The following ZBTB20 variants were observed in gnomAD, a reference collection of about 807,000 sequenced individuals.
ZBTB20 encodes zinc finger and BTB domain containing 20.
A neutral mutation model predicts 56.9 loss-of-function variants in ZBTB20; 9 were observed. That is an observed-to-expected ratio of 0.16 (90% confidence interval 0.10 to 0.28). ZBTB20 has a LOEUF of 0.28. ZBTB20 is among the 10% of genes least tolerant of loss of function. ZBTB20 has a pLI of 1.00. For synonymous variants in ZBTB20, 417 were observed against 420.7 expected, an observed-to-expected ratio of 0.99 and a Z score of 0.11; for missense variants, 655 against 1,003.0, an observed-to-expected ratio of 0.65 and a Z score of 4.69.
intron 4 of ZBTB20, among the ~76,000 whole-genome samples, chr3:114,895,357 A>T (rs2074831793): frequency 6.6e-6 from 1 of 152,194 alleles, no homozygotes; most frequent in African/African-American, 2.4e-5. Flanking sequence ...CCTTTGCAAG[A>T]GACTGCTTTT....
At chr3:114,892,784 A>G (rs1313311242) in intron 4 of ZBTB20, among the ~76,000 whole-genome samples, 1 of 152,226 alleles carries the variant, frequency 6.6e-6, no homozygotes, top group Non-Finnish European at 1.5e-5. Flanking sequence ...ATAGGTTGCA[A>G]GGAGACTTTG....
chr3:114,437,889 C>G (rs1455925439), intron 7 of ZBTB20, among the ~76,000 whole-genome samples: 2 of 152,012 alleles, frequency 1.3e-5, no homozygotes, highest in Non-Finnish European at 2.9e-5. Flanking sequence ...AAGGCTTGGT[C>G]CTAACAAACT....
intron 6 of ZBTB20, among the ~76,000 whole-genome samples, chr3:114,542,568 G>A (rs1024628999): frequency 1.3e-5 from 2 of 152,196 alleles, no homozygotes; most frequent in African/African-American, 4.8e-5. Context: ...AGGGAGAATG[G>A]AGGTTGTGGG....
intron 5 of ZBTB20, among the ~76,000 whole-genome samples, chr3:114,753,215 T>C (rs2067698193): frequency 6.9e-6 from 1 of 145,144 alleles, no homozygotes; most frequent in Non-Finnish European, 1.5e-5. Flanking sequence ...ATGAAGCATA[T>C]TTTTTATATA....
chr3:114,794,753 T>C (rs1343201107), intron 5 of ZBTB20, among the ~76,000 whole-genome samples: 1 of 152,088 alleles, frequency 6.6e-6, no homozygotes, highest in Admixed American at 6.6e-5. Flanking sequence ...TGGCATACCA[T>C]GTTATTAATG....
intron 6 of ZBTB20, among the ~76,000 whole-genome samples, chr3:114,665,224 T>A (rs979088681): frequency 3.3e-5 from 5 of 151,380 alleles, no homozygotes; most frequent in Non-Finnish European, 7.4e-5. Context: ...TAGATATGTT[T>A]ACATATGTAA....
At chr3:115,085,192 T>C (rs1278050878) in intron 1 of ZBTB20, among the ~76,000 whole-genome samples, 2 of 151,982 alleles carry the variant, frequency 1.3e-5, no homozygotes, top group Admixed American at 1.3e-4. Flanking sequence ...AAACCCGTTA[T>C]TGTGAATTTC....
chr3:114,596,374 C>T (rs2056314654), intron 6 of ZBTB20, among the ~76,000 whole-genome samples: 1 of 152,090 alleles, frequency 6.6e-6, no homozygotes, highest in African/African-American at 2.4e-5. Context: ...TATAATACTG[C>T]TTTTTGAAGA....
intron 3 of ZBTB20, among the ~76,000 whole-genome samples, chr3:114,940,127 C>T (rs1381563374): frequency 6.9e-6 from 1 of 145,904 alleles, no homozygotes; most frequent in African/African-American, 2.8e-5. Context: ...TTGAGAGTCA[C>T]CATATGCCAG....
chr3:114,845,279 G>A (rs2074637795), intron 4 of ZBTB20, among the ~76,000 whole-genome samples: 1 of 149,894 alleles, frequency 6.7e-6, no homozygotes, highest in African/African-American at 2.5e-5. Context: ...TAGAAACTTA[G>A]TTCATTGGCA....
At position 114,350,440 on chromosome 3, in the gene ZBTB20, A is replaced by C. The variant is rs777884900; in HGVS notation, c.1638T>G (p.Gly546=). ...QTQFVTVSQP[G]LSTFTAQLPA... is the part of the protein sequence containing the mutation. ...GCAGCTGTGCAGTAAAGGTCGACAGACCGGGCTGGGACACTGTCACAAACT... is the reference window on the plus strand; with the variant it reads ...GCAGCTGTGCAGTAAAGGTCGACAGCCCGGGCTGGGACACTGTCACAAACT... The change falls in exon 11 of 12, where the codon GGT becomes GGG. Residue 546 remains glycine, a synonymous_variant. Transcript: ENST00000675478. 148 of 1,613,760 alleles carry C rather than the reference A, an allele frequency of 9.2e-5. No individual in the cohort carries two copies. Among genetic ancestry groups the C allele is most frequent in the Non-Finnish European group, 1.2e-4 (138 of 1,179,956 alleles).
intron 5 of ZBTB20, among the ~76,000 whole-genome samples, chr3:114,755,120 A>G (rs578077472): frequency 5.3e-5 from 8 of 152,288 alleles, no homozygotes; most frequent in African/African-American, 1.9e-4. Flanking sequence ...TAATCCTGAT[A>G]TAGGTAATCC....
chr3:114,667,333 T>C (rs1293688875), intron 6 of ZBTB20, among the ~76,000 whole-genome samples: 2 of 152,032 alleles, frequency 1.3e-5, no homozygotes, highest in African/African-American at 4.8e-5. Flanking sequence ...GAAACACAAG[T>C]GTTATTAGAC....
intron 1 of ZBTB20, among the ~76,000 whole-genome samples, chr3:115,132,802 T>C (rs1387724678): frequency 6.6e-6 from 1 of 152,066 alleles, no homozygotes; most frequent in East Asian, 1.9e-4. Context: ...AAATTTAGAA[T>C]ACCTTTTGCC....
At chr3:114,604,332 C>CT (rs895322001) in intron 6 of ZBTB20, among the ~76,000 whole-genome samples, 20 of 151,552 alleles carry the variant, frequency 1.3e-4, no homozygotes, top group Non-Finnish European at 2.2e-4. Flanking sequence ...TATATATTCA[C>CT]TTTTTTTGCA....
In ZBTB20 at chr3:114,316,593, C is replaced by A. The variant is rs2078694404; in HGVS notation, c.*22412G>T. 1 of 533,218 alleles carries A rather than the reference C, an allele frequency of 1.9e-6. No individual in the cohort carries two copies. Among genetic ancestry groups the A allele is most frequent in the African/African-American group, 1.9e-5 (1 of 51,884 alleles). The allele number at this position is 533,218 out of a possible 1,614,324, so 33.0% of individuals were successfully genotyped here. A position where few individuals can be genotyped will look rare whatever the true frequency, so the allele number is the denominator to read the frequency against. On this transcript the variant is annotated 3_prime_UTR_variant, in exon 12 of 12. Coordinates refer to ENST00000675478, the MANE Select transcript of ZBTB20 (RefSeq NM_001348800.3). The stretch of plus-strand genomic sequence containing the variant: ...TCGTTTCAACTGGAGATAAACTGAA[C>A]TGGGTTCAGACACTAGCACATGCTT...
chr3:115,098,805 T>G (rs566547512), intron 1 of ZBTB20, among the ~76,000 whole-genome samples: 1 of 152,272 alleles, frequency 6.6e-6, no homozygotes, highest in South Asian at 2.1e-4. Context: ...TTTATGGACT[T>G]CTTTGTGTTG....
chr3:114,851,814 C>T (rs923461278), intron 4 of ZBTB20, among the ~76,000 whole-genome samples: 1 of 152,062 alleles, frequency 6.6e-6, no homozygotes, highest in African/African-American at 2.4e-5. Flanking sequence ...TATGGATATT[C>T]CTCCGAACAC....
chr3:114,506,901 T>C (rs905710350), intron 6 of ZBTB20, among the ~76,000 whole-genome samples: 8 of 152,182 alleles, frequency 5.3e-5, no homozygotes, highest in African/African-American at 1.9e-4. Flanking sequence ...GACATCTATG[T>C]CTCTGAGTCA....
Sources: allele counts gnomAD v4.1 joint callset (sites outside exome capture counted in the v4.1 genomes callset), GRCh38; gene constraint gnomAD v4.1.1; transcripts MANE v1.5; gene names NCBI Gene and HGNC (gene_info 2026-07-23, HGNC 2026-07-21).